Variants in MYO1E observed in about 807,000 individuals in gnomAD.
The protein encoded by MYO1E is myosin IE, also known as unconventional myosin-Ie.
Under a neutral mutation model 151.1 loss-of-function variants are expected in MYO1E, and 68 were observed. That is an observed-to-expected ratio of 0.45 (90% CI 0.37 to 0.55). The LOEUF (loss-of-function observed/expected upper bound fraction) is 0.55. MYO1E is among the 20% of genes least tolerant of loss of function. The pLI is 0.00. For synonymous variants in MYO1E, 601 were observed against 501.7 expected, an observed-to-expected ratio of 1.20 and a Z score of -2.64; for missense variants, 1,363 against 1,389.3, an observed-to-expected ratio of 0.98 and a Z score of 0.30.
intron 1 of MYO1E, among the ~76,000 whole-genome samples, chr15:59,351,437 G>C (rs2080822661): frequency 6.6e-6 from 1 of 152,188 alleles, no homozygotes; most frequent in Non-Finnish European, 1.5e-5. Flanking sequence ...ATTTGAGAAG[G>C]ACTACTGGAA....
chr15:59,357,520 G>A (rs1349808567), intron 1 of MYO1E, among the ~76,000 whole-genome samples: 1 of 151,806 alleles, frequency 6.6e-6, no homozygotes, highest in Non-Finnish European at 1.5e-5. Flanking sequence ...CGCCTCCCGG[G>A]TTCAAGCAGT....
intron 24 of MYO1E, 99 bp from the exon 25 acceptor site, chr15:59,158,478 C>T: frequency 1.1e-6 from 1 of 910,560 alleles, no homozygotes; most frequent in Non-Finnish European, 1.8e-6. Context: ...AGCTTGGATT[C>T]CAGCTCTCAG....
rs140795354 is a variant in MYO1E at position 59,215,380 on chromosome 15, C to T, written c.1108-660G>A. ...ATACCATTATTTTCCCAATTTTCCA[C>T]ATGGATACACCAAGGCTTGCTTAAG... On this transcript the variant is annotated intron_variant, in intron 10 of 27. Transcript: ENST00000288235. 5.3e-5 allele frequency among the ~76,000 whole-genome samples: 8 copies of T among 152,304 alleles called. 1 individual carries two copies. In the East Asian group the frequency reaches 1.3e-3, roughly 26 times the overall value.
At chr15:59,207,135 G>C (rs117906902) in intron 14 of MYO1E, 34,115 of 1,614,220 alleles carry the variant, frequency 0.021, 479 homozygotes, top group Non-Finnish European at 0.025. Context: ...CTTCCGAGAA[G>C]CCCGTTCATC....
intron 18 of MYO1E, among the ~76,000 whole-genome samples, chr15:59,183,549 G>A (rs1350834238): frequency 6.6e-6 from 1 of 151,978 alleles, no homozygotes; most frequent in East Asian, 1.9e-4. Flanking sequence ...ACATATTTAT[G>A]GGTTGCATGA....
At chr15:59,307,368 C>T (rs2080520848) in intron 1 of MYO1E, among the ~76,000 whole-genome samples, 1 of 152,176 alleles carries the variant, frequency 6.6e-6, no homozygotes, top group Non-Finnish European at 1.5e-5. Flanking sequence ...GGAAGGAGAA[C>T]ACGCAGGAGC....
At chr15:59,181,365 A>C (rs1008925754) in intron 18 of MYO1E, among the ~76,000 whole-genome samples, 1 of 152,236 alleles carries the variant, frequency 6.6e-6, no homozygotes, top group Non-Finnish European at 1.5e-5. Flanking sequence ...ATTTCTGCCA[A>C]CCACAGAAAG....
At chr15:59,219,089 G>T (rs2140346597) in intron 9 of MYO1E, among the ~76,000 whole-genome samples, 1 of 152,276 alleles carries the variant, frequency 6.6e-6, no homozygotes, top group East Asian at 1.9e-4. Flanking sequence ...TGAAGGGGAT[G>T]GTATTGTTCA....
At chr15:59,296,464 T>G (rs2080448849) in intron 1 of MYO1E, among the ~76,000 whole-genome samples, 1 of 152,208 alleles carries the variant, frequency 6.6e-6, no homozygotes, top group Non-Finnish European at 1.5e-5. Context: ...TGGCTCTGCA[T>G]GGCAGAGCGG....
Position 59,216,935 on chromosome 15 carries a change from C to T in MYO1E, c.1107+956G>A, listed in dbSNP as rs376078200. 4.0e-5 allele frequency among the ~76,000 whole-genome samples: 6 copies of T among 151,160 alleles called. No homozygotes were observed. The East Asian group carries it at 7.8e-4, about 20-fold the overall frequency. On this transcript the variant is annotated intron_variant, in intron 10 of 27. Transcript: ENST00000288235. ...AAAACTGGCTTCTTGCTCATTCTCT[C>T]TTTCAGATCACTCGCTCTGGGGAAA...
chr15:59,207,733 T>G, intron 14 of MYO1E: 1 of 1,614,122 alleles, frequency 6.2e-7, no homozygotes. Context: ...GGATCTGAAC[T>G]CTGATATAGG....
At chr15:59,364,320 C>T (rs1466417185) in intron 1 of MYO1E, among the ~76,000 whole-genome samples, 1 of 152,158 alleles carries the variant, frequency 6.6e-6, no homozygotes, top group Non-Finnish European at 1.5e-5. Context: ...GTGGAGTATG[C>T]ATCCCAAGCT....
At chr15:59,273,513 G>A (rs1330441723) in intron 1 of MYO1E, among the ~76,000 whole-genome samples, 2 of 152,182 alleles carry the variant, frequency 1.3e-5, no homozygotes, top group South Asian at 2.1e-4. Context: ...CACAAAATGG[G>A]TGTTCCAGGA....
chr15:59,333,994 A>G (rs2080713305), intron 1 of MYO1E, among the ~76,000 whole-genome samples: 1 of 152,228 alleles, frequency 6.6e-6, no homozygotes, highest in South Asian at 2.1e-4. Flanking sequence ...TATAAAAGAA[A>G]TATGAAGAAC....
chr15:59,208,469 G>C lies in MYO1E; in HGVS notation c.1530+212C>G, dbSNP rs2079855103. ...ATGTTCATTTATATGCTGTAAAAAA[G>C]TAGTAGCTTCTTCTACAATGTAAAA... On this transcript the variant is annotated intron_variant, in intron 14 of 27. Transcript: ENST00000288235. 4.7e-6 allele frequency: 3 copies of C among 635,268 alleles called. No homozygotes were observed. In the Admixed American group the frequency reaches 8.7e-5, roughly 18 times the overall value. The allele number at this position is 635,268 out of a possible 1,614,324, so 39.4% of individuals were successfully genotyped here. A position where few individuals can be genotyped will look rare whatever the true frequency, so the allele number is the denominator to read the frequency against.
chr15:59,352,685 A>C (rs1443086326), intron 1 of MYO1E, among the ~76,000 whole-genome samples: 1 of 152,238 alleles, frequency 6.6e-6, no homozygotes, highest in Non-Finnish European at 1.5e-5. Flanking sequence ...GCTGGATGAT[A>C]TAGAAGTGGT....
chr15:59,200,325 T>C (rs2140332793), intron 16 of MYO1E, among the ~76,000 whole-genome samples: 1 of 152,268 alleles, frequency 6.6e-6, no homozygotes, highest in Middle Eastern at 3.4e-3. Flanking sequence ...AAGGCATGAG[T>C]CAGACACTTC....
rs2079375416 is a variant in MYO1E at position 59,136,748 on chromosome 15, C to G, written c.*632G>C. 1 of 456,110 alleles carries G rather than the reference C, an allele frequency of 2.2e-6. No individual in the cohort carries two copies. The highest frequency in any genetic ancestry group is 2.0e-5 in the African/African-American group (1 of 49,780). The allele number at this position is 456,110 out of a possible 1,614,324, so 28.3% of individuals were successfully genotyped here. A position where few individuals can be genotyped will look rare whatever the true frequency, so the allele number is the denominator to read the frequency against. On this transcript the variant is annotated 3_prime_UTR_variant, in exon 28 of 28. Coordinates refer to ENST00000288235, the MANE Select transcript of MYO1E (RefSeq NM_004998.4). ...GAAGACCCAGAGAAAGCAAAGCCAG[C>G]AGCCCAGCCCCCAGCCCCCAGCCCC...
intron 3 of MYO1E, among the ~76,000 whole-genome samples, chr15:59,256,988 G>GA (rs1307070686): frequency 8.6e-5 from 13 of 150,954 alleles, no homozygotes; most frequent in East Asian, 3.9e-4. Context: ...ATCTCTATTG[G>GA]AAAAAAAAAT....
Sources: allele counts gnomAD v4.1 joint callset (sites outside exome capture counted in the v4.1 genomes callset), GRCh38; gene constraint gnomAD v4.1.1; transcripts MANE v1.5; gene names NCBI Gene and HGNC (gene_info 2026-07-23, HGNC 2026-07-21).